The following UGT1A8 variants were observed in gnomAD, a reference collection of about 807,000 sequenced individuals.
UGT1A8 encodes UDP-glucuronosyltransferase 1A8.
Under a neutral mutation model 45.3 loss-of-function variants are expected in UGT1A8, and 39 were observed. The observed-to-expected ratio is 0.86, with a 90% CI of 0.67 to 1.12. The LOEUF (loss-of-function observed/expected upper bound fraction) is 1.12, where lower values mean the gene tolerates loss of function less well. Among genes scored for constraint, UGT1A8 ranks in the 50% most tolerant of loss-of-function variants. The probability of loss-of-function intolerance (pLI) is 0.00; values close to 1 mark genes in which losing one functional copy is unlikely to be tolerated. For synonymous variants in UGT1A8, 275 were observed against 249.2 expected (o/e 1.10, Z -0.97); for missense variants, 719 against 664.9 (o/e 1.08, Z -0.90).
intron 1 of UGT1A8, among the ~76,000 whole-genome samples, chr2:233,646,969 A>G (rs1316656327): frequency 1.3e-5 from 2 of 152,234 alleles, no homozygotes; most frequent in Non-Finnish European, 2.9e-5. Flanking sequence ...TACAAAAGAC[A>G]GAGGTTTAAT....
intron 1 of UGT1A8, among the ~76,000 whole-genome samples, chr2:233,737,561 C>T (rs1436138407): frequency 1.3e-5 from 2 of 152,190 alleles, no homozygotes; most frequent in African/African-American, 4.8e-5. Flanking sequence ...CAGTGGGATG[C>T]ACCCACTATC....
At chr2:233,641,500 G>A (rs1015661073) in intron 1 of UGT1A8, among the ~76,000 whole-genome samples, 1 of 152,024 alleles carries the variant, frequency 6.6e-6, no homozygotes, top group Non-Finnish European at 1.5e-5. Flanking sequence ...TTTTTGATTT[G>A]TTCATTGTTT....
At chr2:233,695,507 A>G (rs2075293292) in intron 1 of UGT1A8, among the ~76,000 whole-genome samples, 1 of 151,474 alleles carries the variant, frequency 6.6e-6, no homozygotes, top group African/African-American at 2.4e-5. Context: ...TTTTTGGAGT[A>G]TTACAAATTT....
intron 1 of UGT1A8, among the ~76,000 whole-genome samples, chr2:233,653,807 G>T (rs1206225279): frequency 6.6e-6 from 1 of 152,212 alleles, no homozygotes; most frequent in Non-Finnish European, 1.5e-5. Context: ...ATGTTGGCCA[G>T]GTTGGTCTTG....
At chr2:233,710,719 TA>T (rs2076144799) in intron 1 of UGT1A8, among the ~76,000 whole-genome samples, 1 of 152,218 alleles carries the variant, frequency 6.6e-6, no homozygotes, top group South Asian at 2.1e-4. Context: ...TTTCATTTTT[TA>T]AAAAACAACG....
chr2:233,760,816 T>C (rs72551342), intron 1 of UGT1A8: 3 of 1,613,644 alleles, frequency 1.9e-6, no homozygotes, highest in South Asian at 1.1e-5. Flanking sequence ...TGCACTGCCA[T>C]GCAGCCTGGA....
chr2:233,702,821 G>T (rs769310431), intron 1 of UGT1A8, among the ~76,000 whole-genome samples: 8 of 152,166 alleles, frequency 5.3e-5, no homozygotes, highest in Non-Finnish European at 1.2e-4. Context: ...ACTTGATTGT[G>T]TTGTATAATC....
intron 4 of UGT1A8, chr2:233,770,791 A>G (rs1255344851): frequency 2.0e-5 from 3 of 152,202 alleles, no homozygotes; most frequent in Admixed American, 6.5e-5. Flanking sequence ...AACATTATAG[A>G]TATGTTTAAA....
intron 1 of UGT1A8, among the ~76,000 whole-genome samples, chr2:233,718,481 T>C (rs1310649637): frequency 1.3e-5 from 2 of 152,114 alleles, no homozygotes; most frequent in Non-Finnish European, 2.9e-5. Context: ...CTGATAAATA[T>C]GGTTAACAGA....
In UGT1A8 at chr2:233,757,560, A is replaced by ATATG. The variant is rs904896556; in HGVS notation, c.856-9473_856-9472insATGT. On this transcript the variant is annotated intron_variant, in intron 1 of 4. Transcript: ENST00000373450. The stretch of plus-strand genomic sequence containing the variant: ...AATATATATATATATATATATATAT[A>ATATG]TGTATATATGATATAGCTATAGTCT... 2.4e-4 allele frequency among the ~76,000 whole-genome samples: 29 copies of ATATG among 123,152 alleles called. 1 individual carries two copies. The highest frequency in any genetic ancestry group is 9.5e-4 in the African/African-American group (28 of 29,358). 80.8% of individuals were successfully genotyped at this position (123,152 alleles called of 152,430 possible). A position where few individuals can be genotyped will look rare whatever the true frequency, so the allele number is the denominator to read the frequency against.
chr2:233,661,683 T>TTTC (rs1559329478), intron 1 of UGT1A8, among the ~76,000 whole-genome samples: 1 of 39,422 alleles, frequency 2.5e-5, no homozygotes, highest in African/African-American at 1.2e-4. Context: ...TTCTTTCTTT[T>TTTC]TAAACAAAGG....
intron 1 of UGT1A8, among the ~76,000 whole-genome samples, chr2:233,653,690 G>A (rs912065195): frequency 2.0e-5 from 3 of 152,182 alleles, no homozygotes; most frequent in East Asian, 1.9e-4. Context: ...TCTGCTGCCC[G>A]AGTTCAAGCG....
chr2:233,672,306 C>A, intron 1 of UGT1A8: 1 of 1,613,774 alleles, frequency 6.2e-7, no homozygotes, highest in Non-Finnish European at 8.5e-7. Context: ...TTTCAAATTG[C>A]AGGAGTTTGT....
intron 1 of UGT1A8, among the ~76,000 whole-genome samples, chr2:233,689,485 C>T (rs78706067): frequency 6.6e-6 from 1 of 152,116 alleles, no homozygotes; most frequent in Non-Finnish European, 1.5e-5. Flanking sequence ...AAGAAGAAAT[C>T]GCAAATCAAT....
rs564518266 is a variant in UGT1A8 at position 233,725,998 on chromosome 2, T to G, written c.856-41036T>G. Among the ~76,000 whole-genome samples the G allele has an allele frequency of 3.4e-4, 52 of 152,142 alleles. No individual in the cohort carries two copies. The Middle Eastern group carries it at 0.014, about 40-fold the overall frequency. ...CTGGGAAACGTGCTGAGACTGCATC[T>G]CTACAAAAAATCAAAAAATTATCCA... On this transcript the variant is annotated intron_variant, in intron 1 of 4. Coordinates refer to ENST00000373450, the MANE Select transcript of UGT1A8 (RefSeq NM_019076.5).
intron 1 of UGT1A8, chr2:233,636,762 G>T (rs201300142): frequency 1.9e-6 from 3 of 1,614,126 alleles, no homozygotes; most frequent in Non-Finnish European, 2.5e-6. Flanking sequence ...ACTCAACCTC[G>T]TACACTCTGG....
At chr2:233,701,218 C>T (rs1237228393) in intron 1 of UGT1A8, among the ~76,000 whole-genome samples, 1 of 152,080 alleles carries the variant, frequency 6.6e-6, no homozygotes, top group Non-Finnish European at 1.5e-5. Context: ...TATTTATAAT[C>T]CTTTGGGTAT....
Position 233,618,330 on chromosome 2 carries a change from G to C in UGT1A8, c.623G>C (p.Arg208Pro). ...SDAMTFKERV[R>P]NHIMHLEEHL... Reference sequence around the variant, plus strand: ...GCCATGACTTTCAAGGAGAGAGTACGGAACCACATCATGCACTTGGAGGAA... The same window carrying C: ...GCCATGACTTTCAAGGAGAGAGTACCGAACCACATCATGCACTTGGAGGAA... Residue 208 changes from arginine (R) to proline (P), a missense_variant, in exon 1 of 5, where the codon CGG becomes CCG. Physicochemically the swap from Arg to Pro is moderately radical, Grantham distance 103 (BLOSUM62 -2). Transcript: ENST00000373450. 6.2e-7 allele frequency: 1 copy of C among 1,613,826 alleles called. No individual in the cohort carries two copies. The highest frequency in any genetic ancestry group is 8.5e-7 in the Non-Finnish European group (1 of 1,179,834).
At chr2:233,649,440 G>C (rs752663272) in intron 1 of UGT1A8, among the ~76,000 whole-genome samples, 1 of 152,168 alleles carries the variant, frequency 6.6e-6, no homozygotes, top group Non-Finnish European at 1.5e-5. Flanking sequence ...ACTACCTGCT[G>C]CAGTAAAATG....
Sources: allele counts gnomAD v4.1 joint callset (sites outside exome capture counted in the v4.1 genomes callset), GRCh38; gene constraint gnomAD v4.1.1; transcripts MANE v1.5; gene names NCBI Gene and HGNC (gene_info 2026-07-23, HGNC 2026-07-21).